The following CHFR variants were observed in gnomAD, a reference collection of about 807,000 sequenced individuals.
CHFR encodes the protein checkpoint with forkhead and ring finger domains.
In CHFR, 57 loss-of-function variants were observed where a neutral mutation model predicts 87.6. The observed-to-expected ratio is 0.65, with a 90% CI of 0.53 to 0.81. The LOEUF (loss-of-function observed/expected upper bound fraction) is 0.81, where lower values mean the gene tolerates loss of function less well. CHFR is among the 30% of genes least tolerant of loss of function. The pLI, the probability that CHFR is intolerant of heterozygous loss-of-function variation, is 0.00. For synonymous variants in CHFR, 381 were observed against 359.2 expected (o/e 1.06, Z -0.69); for missense variants, 797 against 865.8 (o/e 0.92, Z 1.00).
chr12:132,876,173 CA>C (rs61083084), intron 3 of CHFR, among the ~76,000 whole-genome samples: 83 of 139,346 alleles, frequency 6.0e-4, no homozygotes, highest in Admixed American at 5.8e-4. Flanking sequence ...AACTCCATCT[CA>C]AAAAAAAAAA....
rs547438484 is a variant in CHFR at position 132,862,805 on chromosome 12, C to T, written c.584-1171G>A. On this transcript the variant is annotated intron_variant, in intron 6 of 17. Coordinates refer to ENST00000450056, the MANE Select transcript of CHFR (RefSeq NM_001161346.2). Reference sequence around the variant, plus strand: ...CCGTGTTAGCCAGGATGGTCTCGATCTCCTGACCTCATGATCCACCTGCCT... The same window carrying T: ...CCGTGTTAGCCAGGATGGTCTCGATTTCCTGACCTCATGATCCACCTGCCT... Among the ~76,000 whole-genome samples, 14 of 151,706 alleles carry T rather than the reference C, an allele frequency of 9.2e-5. No individual in the cohort carries two copies. In the South Asian group the frequency reaches 2.9e-3, roughly 32 times the overall value.
chr12:132,844,486 G>A (rs190918008), intron 15 of CHFR, among the ~76,000 whole-genome samples: 4,708 of 115,278 alleles, frequency 0.041, 370 homozygotes, highest in East Asian at 0.069. Context: ...GGGTTTCACC[G>A]TGTTAGCCAG....
At chr12:132,883,249 G>T (rs897409289) in intron 2 of CHFR, among the ~76,000 whole-genome samples, 6 of 151,280 alleles carry the variant, frequency 4.0e-5, no homozygotes, top group African/African-American at 1.5e-4. Flanking sequence ...CCAACATGAT[G>T]AAACCCTGTC....
rs938539555 is a variant in CHFR, at chr12:132,886,510, T to C, written c.133+686A>G. Among the ~76,000 whole-genome samples the C allele has an allele frequency of 3.3e-5, 5 of 152,094 alleles. No individual in the cohort carries two copies. The South Asian group carries it at 1.0e-3, about 32-fold the overall frequency. ...TGTTGACAGGACCAGCGCATTTCTCTCCCCATACAAAGGCTTCAGAGGAAA... is the reference window on the plus strand; with the variant it reads ...TGTTGACAGGACCAGCGCATTTCTCCCCCCATACAAAGGCTTCAGAGGAAA... On this transcript the variant is annotated intron_variant, in intron 2 of 17. Transcript: ENST00000450056.
chr12:132,858,725 TAAAAAAAAAAAAA>T (rs60137048), intron 8 of CHFR, among the ~76,000 whole-genome samples: 12 of 26,798 alleles, frequency 4.5e-4, no homozygotes, highest in South Asian at 2.6e-3. Flanking sequence ...AGACTCCATC[TAAAAAAAAAAAAA>T]AAAAAAAAAA....
At chr12:132,875,549 G>A (rs1373129725) in intron 3 of CHFR, among the ~76,000 whole-genome samples, 4 of 152,106 alleles carry the variant, frequency 2.6e-5, no homozygotes, top group African/African-American at 2.4e-5. Context: ...CTTGAACCCG[G>A]GTGGCGGAGG....
chr12:132,857,614 C>T (rs760531565), intron 8 of CHFR, 55 bp from the exon 9 acceptor site: 4 of 1,573,004 alleles, frequency 2.5e-6, no homozygotes, highest in Non-Finnish European at 3.5e-6. Flanking sequence ...AACCGCGACC[C>T]TCGACCAAGG....
rs1419993206 is a variant in CHFR, at chr12:132,861,600, A to T, written c.618T>A (p.Ser206Arg). ...CTTCATCACTTGCCACAGAGGGACC[A>T]CTTCCTTTAGGGGAGATGCCACCAC... Reference protein sequence around the residue: ...SGGGGISPKGSGPSVASDEVS... With the variant: ...SGGGGISPKGRGPSVASDEVS... The change falls in exon 7 of 18, where the codon AGT becomes AGA. Residue 206 changes from serine to arginine, a missense_variant. Physicochemically the swap from Ser to Arg is moderately radical, Grantham distance 110. Around this residue, in one of 2 missense-constraint regions of CHFR, gnomAD observed 597 missense variants for 601.2 expected, o/e 0.99. Transcript: ENST00000450056. 1.9e-6 allele frequency: 3 copies of T among 1,614,068 alleles called. No individual in the cohort carries two copies. Among genetic ancestry groups the T allele is most frequent in the Non-Finnish European group, 2.5e-6 (3 of 1,180,028 alleles).
At chr12:132,887,152 G>C in intron 2 of CHFR, 44 bp downstream of exon 2, 1 of 1,426,678 alleles carries the variant, frequency 7.0e-7, no homozygotes, top group Non-Finnish European at 9.1e-7. Flanking sequence ...CAACCCGGTG[G>C]CTCTGCCCGG....
At position 132,835,643 on chromosome 12, in the gene CHFR, G is replaced by A. The variant is rs188008812; in HGVS notation, c.*5911C>T. The stretch of plus-strand genomic sequence containing the variant: ...GACAGACCAAAGAGGAACCGGCCCC[G>A]CTGACACCCTGATCTCAGAGTTCCA... On this transcript the variant is annotated 3_prime_UTR_variant, in exon 18 of 18. Transcript: ENST00000450056. The A allele has an allele frequency of 1.1e-4, 22 of 193,372 alleles. 1 individual carries two copies. Among genetic ancestry groups the A allele is most frequent in the Admixed American group, 7.7e-4 (14 of 18,146 alleles). The allele number at this position is 193,372 out of a possible 1,614,324, so 12.0% of individuals were successfully genotyped here.
intron 3 of CHFR, among the ~76,000 whole-genome samples, chr12:132,876,168 C>A (rs777073610): frequency 7.0e-5 from 10 of 142,518 alleles, no homozygotes; most frequent in Non-Finnish European, 1.2e-4. Flanking sequence ...AGTGAAACTC[C>A]ATCTCAAAAA....
rs1951880477 is a variant in CHFR at position 132,885,865 on chromosome 12, C to T, written c.133+1331G>A. Among the ~76,000 whole-genome samples, 4 of 152,208 alleles carry T rather than the reference C, an allele frequency of 2.6e-5. No homozygotes were observed. In the South Asian group the frequency reaches 6.2e-4, roughly 24 times the overall value. ...TCTGCTCTTCACCAAACCTCCTAGTCTATCAAGTAAAGACAAAGGGAAAAA... is the reference window on the plus strand; with the variant it reads ...TCTGCTCTTCACCAAACCTCCTAGTTTATCAAGTAAAGACAAAGGGAAAAA... On this transcript the variant is annotated intron_variant, in intron 2 of 17. Transcript: ENST00000450056.
At chr12:132,886,966 G>A (rs1035404953) in intron 2 of CHFR, among the ~76,000 whole-genome samples, 2 of 152,224 alleles carry the variant, frequency 1.3e-5, no homozygotes, top group Non-Finnish European at 2.9e-5. Context: ...TTGCATTCTG[G>A]AGAGTATATG....
intron 10 of CHFR, 57 bp from the exon 11 acceptor site, chr12:132,853,630 C>T (rs1376801886): frequency 2.6e-5 from 38 of 1,470,374 alleles, no homozygotes; most frequent in South Asian, 1.1e-4. Context: ...CAGGTAGGGC[C>T]GGTGCAACGC....
intron 6 of CHFR, among the ~76,000 whole-genome samples, chr12:132,864,128 C>G (rs1350542114): frequency 2.0e-5 from 3 of 150,478 alleles, no homozygotes; most frequent in Non-Finnish European, 4.4e-5. Flanking sequence ...CATATTACAG[C>G]ATAATACATA....
At chr12:132,853,802 G>A (rs952764059) in intron 10 of CHFR, 4 of 528,380 alleles carry the variant, frequency 7.6e-6, no homozygotes, top group Non-Finnish European at 1.3e-5. Flanking sequence ...CAGCCCCCAC[G>A]CTTTGGAGCC....
At position 132,839,074 on chromosome 12, in the gene CHFR, G is replaced by A. The variant is rs984585236; in HGVS notation, c.*2480C>T. On this transcript the variant is annotated 3_prime_UTR_variant, in exon 18 of 18. Transcript: ENST00000450056. ...GAGTCCCTAGGACACCTGGAGCCCA[G>A]AGGCTCTCTGAGCTGCCTGCCCTTC... 1 of 152,336 alleles carries A rather than the reference G, an allele frequency of 6.6e-6. No individual in the cohort carries two copies. Among genetic ancestry groups the A allele is most frequent in the African/African-American group, 2.4e-5 (1 of 41,452 alleles). The allele number at this position is 152,336 out of a possible 1,614,324, so 9.4% of individuals were successfully genotyped here.
At chr12:132,841,644 A>G (rs200445257) in intron 17 of CHFR, 48 bp from the exon 18 acceptor site, 4 of 1,464,090 alleles carry the variant, frequency 2.7e-6, no homozygotes, top group African/African-American at 1.4e-5. Flanking sequence ...TTGGAGAGGC[A>G]ATCAAATAAA....
chr12:132,848,967 G>A (rs1042623615), intron 12 of CHFR: 17 of 504,548 alleles, frequency 3.4e-5, no homozygotes, highest in East Asian at 2.0e-4. Flanking sequence ...ATTTTTTAGA[G>A]ATGGAGTCTC....
Sources: allele counts gnomAD v4.1 joint callset (sites outside exome capture counted in the v4.1 genomes callset), GRCh38; gene constraint gnomAD v4.1.1; regional missense constraint gnomAD v4.1.1; transcripts MANE v1.5; gene names NCBI Gene and HGNC (gene_info 2026-07-23, HGNC 2026-07-21).